The following DGKG variants were observed in gnomAD, a reference collection of about 807,000 sequenced individuals.
The protein encoded by DGKG is DAG kinase gamma.
In DGKG, 78 loss-of-function variants were observed where a neutral mutation model predicts 105.3. That is an observed-to-expected ratio of 0.74 (90% CI 0.62 to 0.89). The LOEUF is 0.89. Among genes scored for constraint, DGKG ranks in the 40% least tolerant of loss-of-function variants. The probability of loss-of-function intolerance (pLI) is 0.00; values close to 1 mark genes in which losing one functional copy is unlikely to be tolerated. For missense variants in DGKG, 958 were observed against 1,020.1 expected, an observed-to-expected ratio of 0.94 and a Z score of 0.83; for synonymous variants, 346 against 367.1, an observed-to-expected ratio of 0.94 and a Z score of 0.66.
chr3:186,195,098 C>T (rs1718114825), intron 21 of DGKG, among the ~76,000 whole-genome samples: 1 of 117,318 alleles, frequency 8.5e-6, no homozygotes, highest in African/African-American at 2.5e-5. Context: ...GAGCGAGACT[C>T]TGTATAAAAA....
intron 2 of DGKG, among the ~76,000 whole-genome samples, chr3:186,310,104 T>A (rs1438156210): frequency 6.7e-6 from 1 of 149,456 alleles, no homozygotes; most frequent in African/African-American, 2.5e-5. Flanking sequence ...CCATCTCTAC[T>A]AAAAATACAA....
At chr3:186,328,575 C>CTTTTTTT (rs34252507) in intron 1 of DGKG, among the ~76,000 whole-genome samples, 3 of 141,124 alleles carry the variant, frequency 2.1e-5, no homozygotes, top group Non-Finnish European at 1.5e-5. Flanking sequence ...CTACACCATT[C>CTTTTTTT]TTTTTTTTTT....
At chr3:186,192,245 G>C (rs951330956) in intron 21 of DGKG, among the ~76,000 whole-genome samples, 1 of 152,074 alleles carries the variant, frequency 6.6e-6, no homozygotes, top group Non-Finnish European at 1.5e-5. Context: ...CTGACCTCAG[G>C]TGATCCACCT....
intron 20 of DGKG, among the ~76,000 whole-genome samples, chr3:186,224,215 C>T (rs1578688344): frequency 6.6e-6 from 1 of 152,318 alleles, no homozygotes; most frequent in East Asian, 1.9e-4. Flanking sequence ...CTCCCAATTC[C>T]TTGCCAGGGT....
intron 20 of DGKG, among the ~76,000 whole-genome samples, chr3:186,225,639 G>A (rs954156057): frequency 1.3e-5 from 2 of 152,104 alleles, no homozygotes; most frequent in African/African-American, 4.8e-5. Context: ...GACGGCCACT[G>A]AGAACTGGCT....
intron 13 of DGKG, among the ~76,000 whole-genome samples, chr3:186,265,842 T>A (rs1019577524): frequency 6.6e-6 from 1 of 151,916 alleles, no homozygotes; most frequent in Non-Finnish European, 1.5e-5. Flanking sequence ...GCTAATTTTC[T>A]TGTATTTTTA....
intron 11 of DGKG, among the ~76,000 whole-genome samples, chr3:186,270,339 C>T (rs150312279): frequency 6.6e-4 from 101 of 152,250 alleles, no homozygotes; most frequent in African/African-American, 2.3e-3. Flanking sequence ...CATGTTGCCC[C>T]GGCTGGTCTC....
chr3:186,195,313 A>C (rs1247637664), intron 21 of DGKG, among the ~76,000 whole-genome samples: 1 of 152,158 alleles, frequency 6.6e-6, no homozygotes, highest in African/African-American at 2.4e-5. Context: ...AACAAACAAA[A>C]AAAAGAATTA....
chr3:186,174,582 T>C (rs938468363), intron 22 of DGKG, among the ~76,000 whole-genome samples: 1 of 152,160 alleles, frequency 6.6e-6, no homozygotes, highest in Non-Finnish European at 1.5e-5. Context: ...TCCTTTTTTT[T>C]CTTTTTACTC....
chr3:186,236,742 G>C (rs1323281367), intron 20 of DGKG, among the ~76,000 whole-genome samples: 1 of 152,254 alleles, frequency 6.6e-6, no homozygotes, highest in Non-Finnish European at 1.5e-5. Flanking sequence ...GGGCTTTTGA[G>C]AAAGGTGGTC....
chr3:186,272,592 A>G (rs1389572493), intron 10 of DGKG, among the ~76,000 whole-genome samples: 1 of 152,200 alleles, frequency 6.6e-6, no homozygotes, highest in Non-Finnish European at 1.5e-5. Flanking sequence ...CAGGCAATGA[A>G]CACAGCAGGA....
chr3:186,268,171 A>G (rs1722145976), intron 12 of DGKG, among the ~76,000 whole-genome samples: 1 of 152,184 alleles, frequency 6.6e-6, no homozygotes, highest in Non-Finnish European at 1.5e-5. Flanking sequence ...CTTGTGATTC[A>G]ACCTTTGTAT....
At chr3:186,160,199 A>G (rs1716228566) in intron 24 of DGKG, 10 of 985,420 alleles carry the variant, frequency 1.0e-5, no homozygotes, top group Non-Finnish European at 1.1e-5. Context: ...AAAGGGTGGT[A>G]TGGAGGAAGG....
intron 14 of DGKG, among the ~76,000 whole-genome samples, chr3:186,262,203 T>C (rs1721810869): frequency 6.6e-6 from 1 of 152,150 alleles, no homozygotes; most frequent in Non-Finnish European, 1.5e-5. Context: ...CAAATGCTCA[T>C]TTCCGGCCCC....
chr3:186,319,299 C>G (rs1475859854), intron 2 of DGKG, among the ~76,000 whole-genome samples: 4 of 152,050 alleles, frequency 2.6e-5, no homozygotes, highest in African/African-American at 9.7e-5. Flanking sequence ...AACACTTAGT[C>G]CAACCCTCCC....
At chr3:186,150,255 C>G (rs75255218) in intron 24 of DGKG, 67 bp from the exon 25 acceptor site, 2 of 1,535,300 alleles carry the variant, frequency 1.3e-6, no homozygotes, top group African/African-American at 2.8e-5. Flanking sequence ...GAGAGTGAGT[C>G]GCAGAGAAAG....
intron 18 of DGKG, 70 bp from the exon 19 acceptor site, chr3:186,251,989 G>C (rs1218730629): frequency 6.9e-7 from 1 of 1,447,626 alleles, no homozygotes; most frequent in East Asian, 2.5e-5. Context: ...ACAGGTAGTT[G>C]TCAGGGCAGG....
intron 2 of DGKG, among the ~76,000 whole-genome samples, chr3:186,307,265 T>A (rs1478591257): frequency 6.6e-6 from 1 of 152,234 alleles, no homozygotes; most frequent in African/African-American, 2.4e-5. Flanking sequence ...TTACCATTCT[T>A]AGCTTAGAAG....
At position 186,295,909 on chromosome 3, in the gene DGKG, C is replaced by T. The variant is rs538830340; in HGVS notation, c.373+1512G>A. 1.1e-3 allele frequency among the ~76,000 whole-genome samples: 163 copies of T among 152,196 alleles called. 4 individuals are homozygous for T. The South Asian group carries it at 0.03, about 28-fold the overall frequency. ...ATCACTTGAGGTCAGGAGTTCGAGA[C>T]CAGCCTGGCCAAGATGGCAAAACCC... is the stretch of plus-strand genomic sequence containing the variant. On this transcript the variant is annotated intron_variant, in intron 5 of 24. Coordinates refer to ENST00000265022, the MANE Select transcript of DGKG (RefSeq NM_001346.3).
Sources: gnomAD v4.1 joint callset for allele counts (sites outside exome capture counted in the v4.1 genomes callset) on GRCh38, gnomAD v4.1.1 for gene constraint, MANE v1.5 for transcripts, NCBI Gene and HGNC (gene_info 2026-07-23, HGNC 2026-07-21) for gene names.